MYH10: variants seen among roughly 807,000 people sequenced by gnomAD.
MYH10 encodes the protein myosin heavy chain 10.
A neutral mutation model predicts 257.8 loss-of-function variants in MYH10; 55 were observed. The ratio of observed to expected loss-of-function variants is 0.21; its 90% CI spans 0.17 to 0.27. The LOEUF is 0.27. Ranked by LOEUF, MYH10 falls within the 10% of genes least tolerant of loss-of-function variation. The pLI, the probability that MYH10 is intolerant of heterozygous loss-of-function variation, is 1.00. For synonymous variants in MYH10, 854 were observed against 921.7 expected (o/e 0.93, Z 1.33); for missense variants, 1,631 against 2,500.6 (o/e 0.65, Z 7.42).
At chr17:8,587,229 G>A (rs1412818002) in intron 4 of MYH10, among the ~76,000 whole-genome samples, 1 of 152,138 alleles carries the variant, frequency 6.6e-6, no homozygotes, top group African/African-American at 2.4e-5. Flanking sequence ...GCCTGGCCCA[G>A]ATCTGCAGAA....
chr17:8,593,893 A>C (rs2084264071), intron 3 of MYH10, among the ~76,000 whole-genome samples: 2 of 152,220 alleles, frequency 1.3e-5, no homozygotes, highest in Admixed American at 1.3e-4. Flanking sequence ...TTAAAAGAAC[A>C]GTGGTAGAAG....
chr17:8,554,795 C>CA (rs941045919), intron 7 of MYH10, among the ~76,000 whole-genome samples: 2 of 152,066 alleles, frequency 1.3e-5, no homozygotes, highest in Non-Finnish European at 2.9e-5. Context: ...ACTAAAAATA[C>CA]AAAAAAATTT....
chr17:8,565,503 T>A (rs2083135047), intron 7 of MYH10, among the ~76,000 whole-genome samples: 1 of 152,214 alleles, frequency 6.6e-6, no homozygotes, highest in Non-Finnish European at 1.5e-5. Context: ...CTAAAAAAAA[T>A]ACGTATCAAT....
At chr17:8,485,868 G>A (rs916774314) in intron 36 of MYH10, among the ~76,000 whole-genome samples, 1 of 152,164 alleles carries the variant, frequency 6.6e-6, no homozygotes, top group Non-Finnish European at 1.5e-5. Context: ...CCACACAAAT[G>A]CATATGAATG....
chr17:8,553,804 C>T (rs2082711804), intron 8 of MYH10, 151 bp downstream of exon 8: 2 of 603,204 alleles, frequency 3.3e-6, no homozygotes, highest in South Asian at 4.0e-5. Context: ...TTAATATTCA[C>T]TAGTCGAAAG....
At chr17:8,566,139 T>A (rs2083160631) in intron 7 of MYH10, among the ~76,000 whole-genome samples, 1 of 152,062 alleles carries the variant, frequency 6.6e-6, no homozygotes, top group South Asian at 2.1e-4. Context: ...GAAAGATGTC[T>A]CCAGACACCG....
intron 14 of MYH10, among the ~76,000 whole-genome samples, chr17:8,539,752 T>G (rs1279739796): frequency 2.0e-5 from 3 of 151,932 alleles, no homozygotes; most frequent in Non-Finnish European, 4.4e-5. Context: ...CATACCTGGC[T>G]AATTTTAAAA....
chr17:8,604,796 A>G (rs1426259008), intron 3 of MYH10, 30 bp downstream of exon 3: 1 of 1,377,354 alleles, frequency 7.3e-7, no homozygotes. Context: ...AGAAATTCTG[A>G]GCATTTAGTA....
chr17:8,479,454 A>C (rs1308109075), intron 40 of MYH10, among the ~76,000 whole-genome samples: 1 of 152,164 alleles, frequency 6.6e-6, no homozygotes, highest in Non-Finnish European at 1.5e-5. Context: ...TCCAACTAGA[A>C]ACAAACCCTT....
chr17:8,498,079 T>C (rs1916947226), intron 30 of MYH10, among the ~76,000 whole-genome samples: 1 of 145,802 alleles, frequency 6.9e-6, no homozygotes, highest in South Asian at 2.3e-4. Flanking sequence ...CCTCCCTGGA[T>C]TCAAGCGATT....
At chr17:8,513,958 A>C in intron 21 of MYH10, 64 bp from the exon 22 acceptor site, 1 of 1,396,058 alleles carries the variant, frequency 7.2e-7, no homozygotes, top group Non-Finnish European at 9.9e-7. Context: ...TGTTGTCATA[A>C]GAAGCCTTTC....
Position 8,545,633 on chromosome 17 carries a change from G to C in MYH10, c.1279-33C>G, listed in dbSNP as rs757575830. On this transcript the variant is annotated intron_variant, in intron 12 of 42. Transcript: ENST00000360416. This position sits in a 1 kb window ranked among gnomAD's most constrained non-coding sequence, Gnocchi z 4.7. ...TAAATCACAACAACCTTTTATTCTG[G>C]AAACAATCTCAACAAAGCATAAATA... 7 of 1,597,330 alleles carry C rather than the reference G, an allele frequency of 4.4e-6. No homozygotes were observed. Among genetic ancestry groups the C allele is most frequent in the Non-Finnish European group, 6.0e-6 (7 of 1,173,284 alleles).
chr17:8,616,022 G>T (rs1440389131), intron 2 of MYH10, among the ~76,000 whole-genome samples: 1 of 152,196 alleles, frequency 6.6e-6, no homozygotes, highest in African/African-American at 2.4e-5. Flanking sequence ...GGTGGCTCAC[G>T]CCTATAATCC....
In MYH10 at chr17:8,504,836, C is replaced by T; in HGVS notation, c.3457G>A (p.Glu1153Lys). The T allele has an allele frequency of 6.2e-7, 1 of 1,614,246 alleles. No homozygotes were observed. Among genetic ancestry groups the T allele is most frequent in the Non-Finnish European group, 8.5e-7 (1 of 1,180,054 alleles). ...VVRELQAQIA[E>K]LQEDFESEKA... ...TCGGATTCAAAGTCTTCCTGAAGTT[C>T]AGCAATTTGGGCTTGTAGCTCTCGC... The change falls in exon 28 of 43, where the codon GAA becomes AAA. Residue 1153 changes from glutamate to lysine, a missense_variant. Glu to Lys is a moderately conservative substitution (Grantham distance 56). Coordinates refer to ENST00000360416, the MANE Select transcript of MYH10 (RefSeq NM_001256012.3). This position sits in a 1 kb window ranked among gnomAD's most constrained non-coding sequence, Gnocchi z 5.6.
chr17:8,624,137 C>A (rs960293724), intron 1 of MYH10, among the ~76,000 whole-genome samples: 3 of 152,228 alleles, frequency 2.0e-5, no homozygotes, highest in Admixed American at 2.0e-4. Context: ...GAGGAAAGTA[C>A]TGGTTCTGTG....
intron 7 of MYH10, chr17:8,554,347 A>G (rs2082724087): frequency 5.9e-6 from 1 of 169,718 alleles, no homozygotes; most frequent in African/African-American, 2.4e-5. Context: ...TTAAAGGACC[A>G]CTCTATCCAG....
chr17:8,499,574 G>A (rs1917195473), intron 29 of MYH10, 98 bp from the exon 30 acceptor site: 1 of 1,045,726 alleles, frequency 9.6e-7, no homozygotes, highest in Non-Finnish European at 1.4e-6. Context: ...CTAACACACA[G>A]TGAGTCTGTA....
chr17:8,575,946 A>G (rs182028031), intron 6 of MYH10, among the ~76,000 whole-genome samples: 1 of 152,332 alleles, frequency 6.6e-6, no homozygotes, highest in African/African-American at 2.4e-5. Context: ...ACAGTCTTCC[A>G]CTACTTGCCC....
chr17:8,569,669 ATT>A lies in MYH10; in HGVS notation c.756+49_756+50del. Reference sequence around the variant, plus strand: ...ATTCATTTGCTTAATCACAGTAAACATTTAACTAGAAATCTAAGGAATTAAAA... The same window carrying A: ...ATTCATTTGCTTAATCACAGTAAACATAACTAGAAATCTAAGGAATTAAAA... On this transcript the variant is annotated intron_variant, in intron 7 of 42. Coordinates refer to ENST00000360416, the MANE Select transcript of MYH10 (RefSeq NM_001256012.3). This position sits in a 1 kb window ranked among gnomAD's most constrained non-coding sequence, Gnocchi z 4.1. 7.5e-7 allele frequency: 1 copy of A among 1,327,786 alleles called. No individual in the cohort carries two copies. Among genetic ancestry groups the A allele is most frequent in the Non-Finnish European group, 1.1e-6 (1 of 947,160 alleles). 82.3% of individuals were successfully genotyped at this position (1,327,786 alleles called of 1,614,324 possible). A position where few individuals can be genotyped will look rare whatever the true frequency, so the allele number is the denominator to read the frequency against.
Sources: allele counts gnomAD v4.1 joint callset (sites outside exome capture counted in the v4.1 genomes callset), GRCh38; gene constraint gnomAD v4.1.1; non-coding constraint Gnocchi (gnomAD v3.1); transcripts MANE v1.5; gene names NCBI Gene and HGNC (gene_info 2026-07-23, HGNC 2026-07-21).